RARB: variants seen among roughly 807,000 people sequenced by gnomAD.
RARB encodes retinoic acid receptor beta.
A neutral mutation model predicts 51.9 loss-of-function variants in RARB; 17 were observed. The ratio of observed to expected loss-of-function variants is 0.33; its 90% CI spans 0.22 to 0.49. The LOEUF is 0.49. Among genes scored for constraint, RARB ranks in the 20% least tolerant of loss-of-function variants. The pLI is 0.99. For missense variants in RARB, 369 were observed against 550.8 expected, an observed-to-expected ratio of 0.67 and a Z score of 3.30; for synonymous variants, 215 against 195.4, an observed-to-expected ratio of 1.10 and a Z score of -0.84.
At chr3:25,400,368 A>C (rs1707231735) in intron 5 of RARB, among the ~76,000 whole-genome samples, 1 of 152,158 alleles carries the variant, frequency 6.6e-6, no homozygotes, top group Admixed American at 6.5e-5. Flanking sequence ...TCTTCTATTC[A>C]AGGAACTCAT....
chr3:25,263,270 A>C (rs1470074136), intron 5 of RARB, among the ~76,000 whole-genome samples: 1 of 152,170 alleles, frequency 6.6e-6, no homozygotes, highest in Non-Finnish European at 1.5e-5. Context: ...TCATGTGTTA[A>C]TTCATTTAGT....
intron 2 of RARB, among the ~76,000 whole-genome samples, chr3:24,870,546 T>G (rs192655936): frequency 1.7e-3 from 262 of 152,236 alleles, no homozygotes; most frequent in Non-Finnish European, 3.3e-3. Flanking sequence ...TCTGGCAGTT[T>G]AAGCCTTCTA....
chr3:24,880,295 G>A (rs1408176845), intron 2 of RARB, among the ~76,000 whole-genome samples: 1 of 151,930 alleles, frequency 6.6e-6, no homozygotes, highest in Admixed American at 6.6e-5. Context: ...AATAGAAAGG[G>A]CTTGGGGAAA....
chr3:25,313,443 A>T (rs769570637), intron 5 of RARB, among the ~76,000 whole-genome samples: 16 of 152,314 alleles, frequency 1.1e-4, no homozygotes, highest in Middle Eastern at 3.4e-3. Flanking sequence ...TGTAGGAAGT[A>T]ACTAGGCTTC....
At chr3:25,590,665 G>A (rs1701580427) in intron 5 of RARB, among the ~76,000 whole-genome samples, 1 of 152,126 alleles carries the variant, frequency 6.6e-6, no homozygotes, top group Admixed American at 6.5e-5. Flanking sequence ...GACTACAGGT[G>A]CGCTTCACCA....
chr3:25,060,966 G>A (rs1575141509), intron 3 of RARB, among the ~76,000 whole-genome samples: 1 of 151,820 alleles, frequency 6.6e-6, no homozygotes, highest in Non-Finnish European at 1.5e-5. Flanking sequence ...GGAAGAAGTG[G>A]CCAAATTTAC....
At chr3:25,432,627 G>A (rs543210008) in intron 1 of RARB, among the ~76,000 whole-genome samples, 1 of 151,792 alleles carries the variant, frequency 6.6e-6, no homozygotes, top group South Asian at 2.1e-4. Flanking sequence ...AGTTCTTCTG[G>A]ATATCAGATG....
At chr3:24,993,826 AAGAC>A (rs760256001) in intron 2 of RARB, among the ~76,000 whole-genome samples, 7 of 152,174 alleles carry the variant, frequency 4.6e-5, no homozygotes, top group Non-Finnish European at 1.0e-4. Flanking sequence ...TTTGCCACAA[AAGAC>A]AGGATTTCAT....
chr3:24,969,291 C>G, intron 2 of RARB, among the ~76,000 whole-genome samples: 1 of 152,052 alleles, frequency 6.6e-6, no homozygotes, highest in East Asian at 1.9e-4. Context: ...CAGCAAAAAG[C>G]TAAGCCTAGT....
chr3:25,522,522 A>G (rs1282912033), intron 3 of RARB, among the ~76,000 whole-genome samples: 1 of 152,174 alleles, frequency 6.6e-6, no homozygotes, highest in Non-Finnish European at 1.5e-5. Flanking sequence ...GCCCAGGGAA[A>G]GGTGGCAGGT....
intron 2 of RARB, among the ~76,000 whole-genome samples, chr3:25,038,322 C>G (rs1329228981): frequency 6.6e-6 from 1 of 151,898 alleles, no homozygotes; most frequent in Non-Finnish European, 1.5e-5. Flanking sequence ...GGAAACACTG[C>G]TGTTCATGAC....
intron 5 of RARB, among the ~76,000 whole-genome samples, chr3:25,263,792 C>T (rs1038034122): frequency 6.6e-6 from 1 of 152,184 alleles, no homozygotes; most frequent in Admixed American, 6.5e-5. Context: ...CACATTAAAT[C>T]TGCAGTTGCT....
At chr3:25,010,759 A>G (rs956185156) in intron 2 of RARB, among the ~76,000 whole-genome samples, 31 of 152,148 alleles carry the variant, frequency 2.0e-4, no homozygotes, top group African/African-American at 7.2e-4. Flanking sequence ...ACTAACTCCT[A>G]TGACACCCTT....
At chr3:25,453,615 G>A (rs775699621) in intron 1 of RARB, among the ~76,000 whole-genome samples, 5 of 152,122 alleles carry the variant, frequency 3.3e-5, no homozygotes, top group Non-Finnish European at 5.9e-5. Context: ...TGCTGAGCAA[G>A]GCTTTATTAA....
At position 25,410,995 on chromosome 3, in the gene RARB, G is replaced by A. The variant is rs73145460; in HGVS notation, c.179-50198G>A. 5.9e-3 allele frequency among the ~76,000 whole-genome samples: 901 copies of A among 152,342 alleles called. 8 individuals are homozygous for A. The highest frequency in any genetic ancestry group is 0.02 in the African/African-American group (849 of 41,572). ...TTGAAACATTTTCAGAGGAATTAGA[G>A]CTATTTCTTTAAATCAGTGGATTCC... On this transcript the variant is annotated intron_variant, in intron 5 of 11. Coordinates refer to the RARB transcript ENST00000383772.
chr3:25,434,929 G>A (rs774838337), intron 1 of RARB, among the ~76,000 whole-genome samples: 2 of 152,104 alleles, frequency 1.3e-5, no homozygotes, highest in Non-Finnish European at 2.9e-5. Context: ...TACCAGCCCT[G>A]AAACCACTTA....
At chr3:25,569,563 A>C (rs900576620) in intron 3 of RARB, among the ~76,000 whole-genome samples, 195 bp from the exon 4 acceptor site, 3 of 152,218 alleles carry the variant, frequency 2.0e-5, no homozygotes, top group African/African-American at 7.2e-5. Flanking sequence ...CAGAAAGACA[A>C]ACCTAGCTCT....
At chr3:25,304,749 A>G (rs1704118531) in intron 5 of RARB, among the ~76,000 whole-genome samples, 2 of 152,188 alleles carry the variant, frequency 1.3e-5, no homozygotes, top group South Asian at 2.1e-4. Context: ...ACCTCTGCAC[A>G]GTAGCTATAG....
At chr3:25,334,323 A>G (rs1704996218) in intron 5 of RARB, among the ~76,000 whole-genome samples, 1 of 152,214 alleles carries the variant, frequency 6.6e-6, no homozygotes, top group Admixed American at 6.5e-5. Context: ...TGTGGCACAT[A>G]TACACCATGG....
Sources: allele counts gnomAD v4.1 joint callset (sites outside exome capture counted in the v4.1 genomes callset), GRCh38; gene constraint gnomAD v4.1.1; transcripts MANE v1.5; gene names NCBI Gene and HGNC (gene_info 2026-07-23, HGNC 2026-07-21).